NAALADL2: variants seen among roughly 807,000 people sequenced by gnomAD.
NAALADL2 encodes inactive N-acetylated-alpha-linked acidic dipeptidase-like protein 2.
NAALADL2 carries 76 observed loss-of-function variants against 87.2 expected under a neutral mutation model. The ratio of observed to expected loss-of-function variants is 0.87; its 90% CI spans 0.72 to 1.05. The LOEUF is 1.05. NAALADL2 is among the 50% of genes least tolerant of loss of function. The pLI is 0.00. For synonymous variants in NAALADL2, 354 were observed against 331.0 expected (o/e 1.07, Z -0.75); for missense variants, 1,089 against 945.8 (o/e 1.15, Z -1.99).
chr3:174,979,994 C>T (rs1744903602), intron 1 of NAALADL2, among the ~76,000 whole-genome samples: 1 of 152,058 alleles, frequency 6.6e-6, no homozygotes, highest in African/African-American at 2.4e-5. Flanking sequence ...CCACTTTGAC[C>T]TTCTGTATTG....
At chr3:175,309,916 G>T (rs1291536767) in intron 4 of NAALADL2, among the ~76,000 whole-genome samples, 2 of 152,136 alleles carry the variant, frequency 1.3e-5, no homozygotes, top group Non-Finnish European at 2.9e-5. Flanking sequence ...TGCCCAGCAT[G>T]TCTCTCTTAA....
In NAALADL2 at chr3:175,182,550, G is replaced by GTTTTTTTTTTTTT. The variant is rs1161831796; in HGVS notation, c.546-51365_546-51353dup. Among the ~76,000 whole-genome samples, 10 of 69,474 alleles carry GTTTTTTTTTTTTT rather than the reference G, an allele frequency of 1.4e-4. 2 individuals carry two copies. The highest frequency in any genetic ancestry group is 4.2e-4 in the African/African-American group (7 of 16,732). The allele number at this position is 69,474 out of a possible 152,430, so 45.6% of individuals were successfully genotyped here. ...CTATAAGTCCATGACACCACAGCCA[G>GTTTTTTTTTTTTT]TTTTTTTTTTTTTTTTTTTTTTTTT... On this transcript the variant is annotated intron_variant, in intron 2 of 13. Transcript: ENST00000454872.
rs368720028 is a variant in NAALADL2, at chr3:175,715,660, G to A, written c.1897-21646G>A. Among the ~76,000 whole-genome samples, 172 of 152,138 alleles carry A rather than the reference G, an allele frequency of 1.1e-3. 4 individuals carry two copies. The highest frequency in any genetic ancestry group is 6.5e-4 in the Admixed American group (10 of 15,274). On this transcript the variant is annotated intron_variant, in intron 11 of 13. Coordinates refer to ENST00000454872, the MANE Select transcript of NAALADL2 (RefSeq NM_207015.3). Reference sequence around the variant, plus strand: ...GGAGGCTGAGGAGAGAAGACTACCCGAGGTGAGGTGTTCGAGACCAGCCTG... The same window carrying A: ...GGAGGCTGAGGAGAGAAGACTACCCAAGGTGAGGTGTTCGAGACCAGCCTG...
intron 1 of NAALADL2, among the ~76,000 whole-genome samples, chr3:174,473,788 T>G (rs1717050380): frequency 6.6e-6 from 1 of 152,184 alleles, no homozygotes; most frequent in Admixed American, 6.6e-5. Context: ...GAAGAATGTT[T>G]TCCTGATAAA....
At chr3:174,680,042 G>A (rs1283547095) in intron 2 of NAALADL2, among the ~76,000 whole-genome samples, 1 of 151,854 alleles carries the variant, frequency 6.6e-6, no homozygotes, top group East Asian at 1.9e-4. Context: ...ATCAAAATGT[G>A]TTTTTTATTT....
chr3:174,949,904 C>T (rs1395039128), intron 1 of NAALADL2, among the ~76,000 whole-genome samples: 1 of 152,128 alleles, frequency 6.6e-6, no homozygotes, highest in Admixed American at 6.5e-5. Context: ...TCTCTGTGCT[C>T]CTTTTTGTGC....
chr3:174,607,144 C>G (rs1050380554), intron 2 of NAALADL2, among the ~76,000 whole-genome samples: 8 of 151,694 alleles, frequency 5.3e-5, no homozygotes. Context: ...CCAGGCCTGC[C>G]CTAAAAGAGC....
intron 1 of NAALADL2, among the ~76,000 whole-genome samples, chr3:174,448,984 G>T (rs1472413846): frequency 1.3e-5 from 2 of 152,160 alleles, no homozygotes; most frequent in Non-Finnish European, 2.9e-5. Context: ...TTAATTCAAA[G>T]AAACCATAAA....
intron 9 of NAALADL2, among the ~76,000 whole-genome samples, chr3:175,558,213 A>G (rs1189190604): frequency 2.0e-5 from 3 of 150,902 alleles, no homozygotes; most frequent in East Asian, 1.9e-4. Flanking sequence ...AAAAAAAAAA[A>G]AAAAGAAAGA....
chr3:174,729,034 A>T (rs1468057983), intron 2 of NAALADL2, among the ~76,000 whole-genome samples: 2 of 152,088 alleles, frequency 1.3e-5, no homozygotes, highest in African/African-American at 4.8e-5. Flanking sequence ...GGCTTCCTTC[A>T]ACTTGGATGA....
intron 9 of NAALADL2, among the ~76,000 whole-genome samples, chr3:175,524,017 C>T (rs1283514976): frequency 2.6e-5 from 4 of 152,084 alleles, no homozygotes; most frequent in Admixed American, 2.0e-4. Context: ...TGCTGTCACC[C>T]GATTTCAAGG....
intron 1 of NAALADL2, among the ~76,000 whole-genome samples, chr3:174,918,177 T>C (rs1734662468): frequency 6.6e-6 from 1 of 152,086 alleles, no homozygotes; most frequent in African/African-American, 2.4e-5. Context: ...GAATATTCAC[T>C]TGTAATTGCA....
intron 2 of NAALADL2, among the ~76,000 whole-genome samples, chr3:174,723,910 T>C (rs1198558282): frequency 1.3e-5 from 2 of 152,236 alleles, no homozygotes; most frequent in Middle Eastern, 3.4e-3. Context: ...CCGCTATTAG[T>C]ACGTATGGTC....
At chr3:175,460,042 C>T in intron 6 of NAALADL2, 1 of 390,036 alleles carries the variant, frequency 2.6e-6, no homozygotes, top group Non-Finnish European at 5.1e-6. Context: ...ATTGCTATTA[C>T]AGATTATACT....
At chr3:175,432,042 CT>C (rs1717845740) in intron 5 of NAALADL2, among the ~76,000 whole-genome samples, 1 of 151,876 alleles carries the variant, frequency 6.6e-6, no homozygotes, top group African/African-American at 2.4e-5. Flanking sequence ...AAAAAAATAG[CT>C]TTTAACAGTA....
intron 13 of NAALADL2, among the ~76,000 whole-genome samples, chr3:175,789,308 A>T (rs954814419): frequency 1.3e-5 from 2 of 152,100 alleles, no homozygotes; most frequent in African/African-American, 4.8e-5. Context: ...ATATGATGAG[A>T]GTTTCTGCGA....
chr3:175,581,182 C>T (rs1204959369), intron 10 of NAALADL2: 2 of 374,224 alleles, frequency 5.3e-6, no homozygotes, highest in South Asian at 4.0e-5. Flanking sequence ...TGGCTCATGC[C>T]TGTCATCTCT....
intron 1 of NAALADL2, among the ~76,000 whole-genome samples, chr3:175,066,879 A>G (rs1343535029): frequency 6.6e-6 from 1 of 152,140 alleles, no homozygotes. Flanking sequence ...CCTGATACCC[A>G]TGTTGTCATT....
chr3:174,620,976 T>C (rs1720939055), intron 2 of NAALADL2, among the ~76,000 whole-genome samples: 1 of 152,108 alleles, frequency 6.6e-6, no homozygotes, highest in East Asian at 1.9e-4. Flanking sequence ...TTTATTTTAC[T>C]GCTTCTAACC....
Sources: gnomAD v4.1 joint callset for allele counts (sites outside exome capture counted in the v4.1 genomes callset) on GRCh38, gnomAD v4.1.1 for gene constraint, MANE v1.5 for transcripts, NCBI Gene and HGNC (gene_info 2026-07-23, HGNC 2026-07-21) for gene names.